The following NOTCH2 variants were observed in gnomAD, a reference collection of about 807,000 sequenced individuals.
NOTCH2 encodes the protein neurogenic locus notch homolog protein 2.
In NOTCH2, 29 loss-of-function variants were observed where a neutral mutation model predicts 235.8. The observed-to-expected ratio is 0.12, with a 90% confidence interval of 0.09 to 0.17. The LOEUF (loss-of-function observed/expected upper bound fraction) is 0.17, where lower values mean the gene tolerates loss of function less well. NOTCH2 is among the 10% of genes least tolerant of loss of function. NOTCH2 has a pLI of 1.00. For synonymous variants in NOTCH2, 1,086 were observed against 1,141.5 expected, an observed-to-expected ratio of 0.95 and a Z score of 0.98; for missense variants, 2,285 against 3,150.2, an observed-to-expected ratio of 0.73 and a Z score of 6.57.
intron 1 of NOTCH2, among the ~76,000 whole-genome samples, chr1:120,067,494 A>T (rs587660240): frequency 2.6e-5 from 4 of 152,308 alleles, no homozygotes; most frequent in Non-Finnish European, 5.9e-5. Flanking sequence ...TTTAATACTT[A>T]ATTTTTCAAA....
intron 5 of NOTCH2, among the ~76,000 whole-genome samples, chr1:119,984,597 TA>T (rs1228552775): frequency 4.6e-4 from 70 of 152,282 alleles, no homozygotes; most frequent in African/African-American, 1.6e-3. Flanking sequence ...CTAATATCAG[TA>T]GAAACAGAAG....
At chr1:120,034,375 A>G in intron 1 of NOTCH2, among the ~76,000 whole-genome samples, 1 of 122,738 alleles carries the variant, frequency 8.1e-6, no homozygotes, top group East Asian at 2.2e-4. Flanking sequence ...GAAGTAGTAG[A>G]TTTCAATCTC....
intron 1 of NOTCH2, among the ~76,000 whole-genome samples, chr1:120,045,768 A>T (rs1207679647): frequency 6.6e-6 from 1 of 152,260 alleles, no homozygotes; most frequent in African/African-American, 2.4e-5. Flanking sequence ...GATATTTGAA[A>T]CGTGGGGAGT....
intron 5 of NOTCH2, among the ~76,000 whole-genome samples, chr1:119,983,075 A>G (rs1258744692): frequency 6.6e-6 from 1 of 152,236 alleles, no homozygotes; most frequent in Non-Finnish European, 1.5e-5. Context: ...AATGGTAAAA[A>G]GGAATAGGGG....
rs782251525 is a variant in NOTCH2, at chr1:119,997,017, A to G, written c.731T>C (p.Phe244Ser). Residue 244 changes from phenylalanine to serine, a missense_variant, in exon 4 of 34, where the codon TTT becomes TCT. Phe to Ser is a radical substitution (Grantham distance 155, BLOSUM62 -2). Transcript: ENST00000256646. ...GTCRQTGDFT[F>S]ECNCLPGFEG... ...CTTACCTGGAAGGCAGTTGCACTCA[A>G]AAGTGAAGTCACCAGTCTGCCGACA... is the stretch of plus-strand genomic sequence containing the variant. 39 of 1,613,846 alleles carry G rather than the reference A, an allele frequency of 2.4e-5. No individual in the cohort carries two copies. Among genetic ancestry groups the G allele is most frequent in the Non-Finnish European group, 3.2e-5 (38 of 1,179,860 alleles).
chr1:119,953,517 G>T (rs587751112), intron 14 of NOTCH2, 26 bp downstream of exon 14: 2 of 1,612,596 alleles, frequency 1.2e-6, no homozygotes, highest in Non-Finnish European at 1.7e-6. Flanking sequence ...AAGAGCAGAC[G>T]CAGAAAGATG....
intron 2 of NOTCH2, among the ~76,000 whole-genome samples, chr1:120,027,323 C>CAA (rs1353492000): frequency 1.6e-4 from 22 of 139,618 alleles, no homozygotes; most frequent in Non-Finnish European, 1.6e-5. Context: ...CATGTCAGAC[C>CAA]AAAAATATAT....
intron 6 of NOTCH2, 127 bp from the exon 7 acceptor site, chr1:119,968,359 G>A (rs1651226782): frequency 1.0e-5 from 11 of 1,055,524 alleles, no homozygotes; most frequent in African/African-American, 1.6e-5. Flanking sequence ...AGATTTATAC[G>A]CAACTTCTGC....
intron 22 of NOTCH2, among the ~76,000 whole-genome samples, chr1:119,931,835 C>A (rs1251362587): frequency 2.6e-5 from 4 of 151,278 alleles, no homozygotes; most frequent in African/African-American, 9.7e-5. Context: ...ATAAATTCAA[C>A]TTGATTAAAA....
chr1:119,921,838 G>A, intron 28 of NOTCH2, 29 bp from the exon 29 acceptor site: 1 of 1,554,794 alleles, frequency 6.4e-7, no homozygotes, highest in Non-Finnish European at 8.9e-7. Context: ...GAAAAAATAA[G>A]AATGGCAGTC....
At chr1:119,948,382 C>T (rs782661208) in intron 17 of NOTCH2, 32 bp downstream of exon 17, 1 of 1,613,336 alleles carries the variant, frequency 6.2e-7, no homozygotes, top group Non-Finnish European at 8.5e-7. Flanking sequence ...TTCCTCTCCT[C>T]TGGGGGCTTA....
rs374438857 is a variant in NOTCH2, at chr1:119,926,510, G to A, written c.3994C>T (p.Arg1332Cys). The A allele has an allele frequency of 1.2e-5, 20 of 1,601,466 alleles. No homozygotes were observed. The African/African-American group carries it at 1.9e-4, about 15-fold the overall frequency. Residue 1332 changes from arginine (R) to cysteine (C), a missense_variant, in exon 24 of 34, where the codon CGT becomes TGT. Around this residue, in one of 6 missense-constraint regions of NOTCH2, gnomAD observed 1,173 missense variants for 1,515.3 expected, o/e 0.77. Transcript: ENST00000256646. ...AACAGGGCACTTACCGGGGGACAAC[G>A]GCAAATGAAACCATCAGGCATGTTA... ...ASNMPDGFIC[R>C]CPPGFSGARC...
intron 13 of NOTCH2, among the ~76,000 whole-genome samples, chr1:119,954,092 C>G (rs1650593908): frequency 6.6e-6 from 1 of 152,116 alleles, no homozygotes; most frequent in Non-Finnish European, 1.5e-5. Flanking sequence ...TGTCAGGGAC[C>G]CTGAGCCACT....
intron 4 of NOTCH2, 134 bp from the exon 5 acceptor site, chr1:119,987,216 A>G: frequency 9.8e-7 from 1 of 1,018,534 alleles, no homozygotes; most frequent in South Asian, 1.4e-5. Context: ...CCCAGGACTC[A>G]CCATATGAAA....
At position 119,915,504 on chromosome 1, in the gene NOTCH2, A is replaced by G. The variant is rs917979460; in HGVS notation, c.7218T>C (p.Gly2406=). 9.3e-6 allele frequency: 15 copies of G among 1,613,944 alleles called. No homozygotes were observed. Among genetic ancestry groups the G allele is most frequent in the East Asian group, 2.2e-5 (1 of 44,888 alleles). Residue 2406 remains glycine, a synonymous_variant, in exon 34 of 34, where the codon GGT becomes GGC. Transcript: ENST00000256646. Reference sequence around the variant, plus strand: ...GGTAGGGATGCTCACCCTGGAGGTGACCACTGTGACTGGGTGTTCGCTCAG... The same window carrying G: ...GGTAGGGATGCTCACCCTGGAGGTGGCCACTGTGACTGGGTGTTCGCTCAG... ...NAAERTPSHS[G]HLQGEHPYLT...
At chr1:119,926,665 G>T in intron 23 of NOTCH2, 54 bp from the exon 24 acceptor site, 1 of 1,436,398 alleles carries the variant, frequency 7.0e-7, no homozygotes, top group Non-Finnish European at 9.6e-7. Flanking sequence ...GTCACTGCAA[G>T]TTACTCAACA....
chr1:119,932,607 A>ATATCTATCTATCTATC lies in NOTCH2; in HGVS notation c.3655+2849_3655+2864dup, dbSNP rs61476083. On this transcript the variant is annotated intron_variant, in intron 22 of 33. Transcript: ENST00000256646. ...CATCTCAAAACAAACAAACAAACAA[A>ATATCTATCTATCTATC]TATCTATCTATCTATCTATCTATCT... Among the ~76,000 whole-genome samples, 14 of 148,458 alleles carry ATATCTATCTATCTATC rather than the reference A, an allele frequency of 9.4e-5. 1 individual carries two copies. The highest frequency in any genetic ancestry group is 2.0e-4 in the East Asian group (1 of 4,980).
intron 3 of NOTCH2, among the ~76,000 whole-genome samples, chr1:120,003,747 T>G (rs1281979420): frequency 1.3e-4 from 19 of 151,592 alleles, no homozygotes; most frequent in African/African-American, 4.4e-4. Flanking sequence ...CTAATAAAAC[T>G]TAGAGACCAT....
At chr1:119,931,377 C>T (rs1370605777) in intron 22 of NOTCH2, among the ~76,000 whole-genome samples, 9 of 151,936 alleles carry the variant, frequency 5.9e-5, no homozygotes, top group African/African-American at 2.2e-4. Flanking sequence ...ATTTGGTTAG[C>T]AAGACTCCTC....
Sources: gnomAD v4.1 joint callset for allele counts (sites outside exome capture counted in the v4.1 genomes callset) on GRCh38, gnomAD v4.1.1 for gene constraint, gnomAD v4.1.1 regional missense constraint, MANE v1.5 for transcripts, NCBI Gene and HGNC (gene_info 2026-07-23, HGNC 2026-07-21) for gene names.